Variants in TRHDE observed in about 807,000 individuals in gnomAD.
TRHDE encodes thyrotropin-releasing hormone-degrading ectoenzyme.
In TRHDE, 72 loss-of-function variants were observed where a neutral mutation model predicts 125.7. That is an observed-to-expected ratio of 0.57 (90% confidence interval 0.47 to 0.70). TRHDE has a LOEUF of 0.70. Among genes scored for constraint, TRHDE ranks in the 30% least tolerant of loss-of-function variants. The pLI, the probability that TRHDE is intolerant of heterozygous loss-of-function variation, is 0.00. For missense variants in TRHDE, 1,110 were observed against 1,327.1 expected, an observed-to-expected ratio of 0.84 and a Z score of 2.54; for synonymous variants, 509 against 509.1, an observed-to-expected ratio of 1.00 and a Z score of 0.00.
At chr12:72,547,354 C>A (rs1466422033) in intron 7 of TRHDE, among the ~76,000 whole-genome samples, 1 of 151,706 alleles carries the variant, frequency 6.6e-6, no homozygotes, top group Admixed American at 6.6e-5. Context: ...AACCTCATAA[C>A]TTCAATCCAG....
intron 2 of TRHDE, among the ~76,000 whole-genome samples, chr12:72,224,154 GTATGTATGTATGTATCTA>G (rs1457637494): frequency 2.7e-5 from 1 of 37,590 alleles, no homozygotes; most frequent in African/African-American, 1.0e-4. Context: ...ATCTATGTAT[GTATGTATGTATGTATCTA>G]TCTATCTATC....
chr12:72,346,854 CT>C (rs1321774889), intron 2 of TRHDE, among the ~76,000 whole-genome samples: 2 of 152,076 alleles, frequency 1.3e-5, no homozygotes, highest in Non-Finnish European at 2.9e-5. Flanking sequence ...GTTTTGGTGG[CT>C]AGAAATCCTA....
At chr12:72,171,214 G>T (rs1374202392) in intron 2 of TRHDE, among the ~76,000 whole-genome samples, 1 of 151,728 alleles carries the variant, frequency 6.6e-6, no homozygotes. Context: ...ATTTAGGGAA[G>T]GAATCTTTAG....
intron 3 of TRHDE, among the ~76,000 whole-genome samples, chr12:72,383,170 C>T (rs982173007): frequency 6.6e-6 from 1 of 152,114 alleles, no homozygotes; most frequent in Admixed American, 6.6e-5. Context: ...ATACAATACA[C>T]CAATCCTTTC....
chr12:72,518,384 C>T (rs1195021282), intron 6 of TRHDE, among the ~76,000 whole-genome samples: 3 of 150,952 alleles, frequency 2.0e-5, no homozygotes, highest in Non-Finnish European at 1.5e-5. Flanking sequence ...GAATTGATTC[C>T]TTTACCATTA....
chr12:72,283,428 A>G (rs1316722962), intron 1 of TRHDE, among the ~76,000 whole-genome samples: 1 of 152,172 alleles, frequency 6.6e-6, no homozygotes, highest in African/African-American at 2.4e-5. Context: ...TTCAATTGCA[A>G]TCATCTTCAG....
chr12:72,499,105 T>C (rs1466233071), intron 5 of TRHDE, among the ~76,000 whole-genome samples: 1 of 152,142 alleles, frequency 6.6e-6, no homozygotes, highest in Non-Finnish European at 1.5e-5. Context: ...GTACTTCTTA[T>C]ATTTAACTTA....
At chr12:72,426,697 T>C (rs990746648) in intron 3 of TRHDE, among the ~76,000 whole-genome samples, 1 of 150,510 alleles carries the variant, frequency 6.6e-6, no homozygotes. Flanking sequence ...GCTAGAGATA[T>C]GGCAACCACA....
At chr12:72,389,390 G>A (rs1592410277) in intron 3 of TRHDE, among the ~76,000 whole-genome samples, 2 of 152,298 alleles carry the variant, frequency 1.3e-5, no homozygotes, top group East Asian at 3.9e-4. Context: ...CTGTTGTCTG[G>A]CCATTGAAAG....
chr12:72,623,463 T>C (rs994051104), intron 15 of TRHDE, among the ~76,000 whole-genome samples: 1 of 152,078 alleles, frequency 6.6e-6, no homozygotes, highest in Admixed American at 6.6e-5. Context: ...TTTAGAAATA[T>C]AGCTGTTGGG....
chr12:72,553,304 C>G (rs1331789700), intron 7 of TRHDE, among the ~76,000 whole-genome samples: 1 of 151,982 alleles, frequency 6.6e-6, no homozygotes, highest in Admixed American at 6.6e-5. Context: ...GGATTTTTGC[C>G]AAGCTACTAT....
chr12:72,238,362 T>C (rs191905920), intron 2 of TRHDE, among the ~76,000 whole-genome samples: 2,249 of 78,446 alleles, frequency 0.029, 247 homozygotes, highest in Non-Finnish European at 0.042. Flanking sequence ...TATATATATA[T>C]ACACATACAT....
intron 3 of TRHDE, among the ~76,000 whole-genome samples, chr12:72,403,176 C>A (rs1329517602): frequency 1.3e-5 from 2 of 152,092 alleles, no homozygotes; most frequent in African/African-American, 4.8e-5. Context: ...GACAAAGAGA[C>A]ACATGATACA....
intron 3 of TRHDE, among the ~76,000 whole-genome samples, chr12:72,447,345 T>A (rs1287263958): frequency 6.6e-6 from 1 of 152,064 alleles, no homozygotes; most frequent in Non-Finnish European, 1.5e-5. Context: ...CATACCAGAA[T>A]CTCTGGGACA....
chr12:72,405,394 C>G (rs1464045509), intron 3 of TRHDE, among the ~76,000 whole-genome samples: 1 of 152,198 alleles, frequency 6.6e-6, no homozygotes, highest in Non-Finnish European at 1.5e-5. Flanking sequence ...TCTTCACTCT[C>G]TGCAATGGTC....
intron 1 of TRHDE, among the ~76,000 whole-genome samples, chr12:72,276,776 CAT>C (rs1879502337): frequency 6.6e-6 from 1 of 152,202 alleles, no homozygotes; most frequent in Admixed American, 6.5e-5. Flanking sequence ...CTAAAATCCA[CAT>C]GTCTACACAC....
intron 2 of TRHDE, among the ~76,000 whole-genome samples, chr12:72,310,131 T>C (rs1377896958): frequency 6.6e-6 from 1 of 152,206 alleles, no homozygotes; most frequent in Non-Finnish European, 1.5e-5. Flanking sequence ...TGGAGCCCTA[T>C]TGCCTGTGTT....
At chr12:72,602,770 C>A (rs549385749) in intron 12 of TRHDE, among the ~76,000 whole-genome samples, 14 of 152,306 alleles carry the variant, frequency 9.2e-5, no homozygotes, top group Non-Finnish European at 1.5e-4. Context: ...TGCCCCTAAA[C>A]ATATGGAACC....
intron 3 of TRHDE, among the ~76,000 whole-genome samples, chr12:72,445,073 CA>C (rs1436028180): frequency 6.6e-6 from 1 of 151,740 alleles, no homozygotes; most frequent in African/African-American, 2.4e-5. Context: ...GACGTCTTAA[CA>C]AGTGATTATT....
Sources: gnomAD v4.1 joint callset for allele counts (sites outside exome capture counted in the v4.1 genomes callset) on GRCh38, gnomAD v4.1.1 for gene constraint, MANE v1.5 for transcripts, NCBI Gene and HGNC (gene_info 2026-07-23, HGNC 2026-07-21) for gene names.